The following GPHN variants were observed in gnomAD, a reference collection of about 807,000 sequenced individuals.
GPHN encodes gephyrin.
In GPHN, 17 loss-of-function variants were observed where a neutral mutation model predicts 95.5. That is an observed-to-expected ratio of 0.18 (90% CI 0.12 to 0.27). The LOEUF is 0.27. Ranked by LOEUF, GPHN falls within the 10% of genes least tolerant of loss-of-function variation. GPHN has a pLI of 1.00. For missense variants in GPHN, 660 were observed against 978.1 expected, an observed-to-expected ratio of 0.67 and a Z score of 4.34; for synonymous variants, 320 against 322.5, an observed-to-expected ratio of 0.99 and a Z score of 0.08.
chr14:67,006,282 T>C (rs546049140), intron 9 of GPHN, among the ~76,000 whole-genome samples: 33 of 152,244 alleles, frequency 2.2e-4, no homozygotes, highest in Middle Eastern at 3.4e-3. Flanking sequence ...TTAGCAATTT[T>C]CCTTGTCCTA....
intron 2 of GPHN, among the ~76,000 whole-genome samples, chr14:66,746,922 T>C (rs1321249149): frequency 6.6e-6 from 1 of 152,094 alleles, no homozygotes; most frequent in East Asian, 1.9e-4. Context: ...TTAGCTGCCA[T>C]GGGACTGTTC....
intron 21 of GPHN, among the ~76,000 whole-genome samples, chr14:67,175,579 A>G (rs901263844): frequency 1.3e-5 from 2 of 152,150 alleles, no homozygotes; most frequent in Admixed American, 1.3e-4. Context: ...TTGGTTCCAT[A>G]TGAACTTTAA....
chr14:67,250,174 T>A, the GPHN span, among the ~76,000 whole-genome samples: 1 of 152,172 alleles, frequency 6.6e-6, no homozygotes, highest in Non-Finnish European at 1.5e-5. Flanking sequence ...CATAATTTCA[T>A]TTAAAATTCA....
At chr14:67,466,978 G>A in the GPHN span, 2 of 134,330 alleles carry the variant, frequency 1.5e-5, no homozygotes, top group South Asian at 5.2e-4. Context: ...CTGGGCGACA[G>A]AGGGGGACCC....
At chr14:67,328,153 G>A in the GPHN span, among the ~76,000 whole-genome samples, 4 of 152,066 alleles carry the variant, frequency 2.6e-5, no homozygotes, top group East Asian at 1.9e-4. Context: ...TGTTGTTTCC[G>A]ACTTTTTAAT....
chr14:66,569,354 C>T (rs1193636541), intron 1 of GPHN, among the ~76,000 whole-genome samples: 1 of 152,102 alleles, frequency 6.6e-6, no homozygotes, highest in Non-Finnish European at 1.5e-5. Flanking sequence ...CTTTAACACA[C>T]ACACCATTGT....
At chr14:67,340,608 C>G in the GPHN span, 221 of 1,119,586 alleles carry the variant, frequency 2.0e-4, 7 homozygotes, top group South Asian at 2.9e-3. Context: ...TTATTTTTTC[C>G]TAATTGTAAA....
At chr14:66,654,865 T>C (rs2065228316) in intron 1 of GPHN, among the ~76,000 whole-genome samples, 3 of 152,214 alleles carry the variant, frequency 2.0e-5, no homozygotes. Context: ...CCTATGGATA[T>C]GCACTTGCTC....
intron 2 of GPHN, among the ~76,000 whole-genome samples, chr14:66,697,669 TTTTTTTC>T (rs757502448): frequency 0.035 from 4,660 of 131,800 alleles, 105 homozygotes; most frequent in Admixed American, 0.048. Context: ...TTGCCTTTTT[TTTTTTTC>T]TTTTTTCTTT....
the GPHN span, chr14:67,388,088 CA>C: frequency 5.0e-6 from 3 of 602,864 alleles, no homozygotes; most frequent in Non-Finnish European, 6.0e-6. Context: ...AAATTCACTT[CA>C]AAACTCACAC....
At chr14:66,937,397 T>TG (rs199786783) in intron 8 of GPHN, among the ~76,000 whole-genome samples, 1,815 of 152,172 alleles carry the variant, frequency 0.012, 19 homozygotes, top group Non-Finnish European at 0.018. Flanking sequence ...TTTTTTTTTT[T>TG]TTGAGACTGA....
At chr14:67,099,173 G>T (rs1395922466) in intron 12 of GPHN, among the ~76,000 whole-genome samples, 4 of 150,268 alleles carry the variant, frequency 2.7e-5, no homozygotes. Flanking sequence ...GCAATGGCAC[G>T]ATCTCAGCTC....
the GPHN span, among the ~76,000 whole-genome samples, chr14:67,521,959 G>A: frequency 3.9e-5 from 6 of 152,054 alleles, no homozygotes; most frequent in Non-Finnish European, 7.4e-5. Context: ...GGTGGATCAC[G>A]AGGTCAAGAG....
chr14:67,293,337 A>C, the GPHN span, among the ~76,000 whole-genome samples: 3 of 152,160 alleles, frequency 2.0e-5, no homozygotes, highest in African/African-American at 7.2e-5. Context: ...TGGGGAGTAG[A>C]CAGTCTCTCA....
At chr14:66,608,644 C>T (rs1595210492) in intron 1 of GPHN, among the ~76,000 whole-genome samples, 1 of 152,026 alleles carries the variant, frequency 6.6e-6, no homozygotes, top group Non-Finnish European at 1.5e-5. Flanking sequence ...TCAAAAAGGA[C>T]TTGTTTTATG....
chr14:66,794,868 CAGTT>C (rs1347876352), intron 3 of GPHN, among the ~76,000 whole-genome samples: 1 of 152,048 alleles, frequency 6.6e-6, no homozygotes, highest in Non-Finnish European at 1.5e-5. Context: ...ATCAATTTTT[CAGTT>C]AGAGAGGTAT....
the GPHN span, among the ~76,000 whole-genome samples, chr14:67,306,182 C>G: frequency 6.6e-6 from 1 of 152,150 alleles, no homozygotes; most frequent in Non-Finnish European, 1.5e-5. Context: ...GTTGGCCATG[C>G]TGGTCTCGAA....
At chr14:67,190,649 A>G in the GPHN span, among the ~76,000 whole-genome samples, 2 of 152,196 alleles carry the variant, frequency 1.3e-5, no homozygotes, top group Admixed American at 1.3e-4. Context: ...AAATATTTCA[A>G]AGATTCAGAA....
At chr14:67,360,368 G>A in the GPHN span, 33 of 396,976 alleles carry the variant, frequency 8.3e-5, no homozygotes. Context: ...GAGGAGGATC[G>A]GCGGCCGGTG....
Sources: gnomAD v4.1 joint callset for allele counts (sites outside exome capture counted in the v4.1 genomes callset) on GRCh38, gnomAD v4.1.1 for gene constraint, MANE v1.5 for transcripts, NCBI Gene and HGNC (gene_info 2026-07-23, HGNC 2026-07-21) for gene names.